The following MALRD1 variants were observed in gnomAD, a reference collection of about 807,000 sequenced individuals.
MALRD1 encodes MAM and LDL-receptor class A domain-containing protein 1.
MALRD1 carries 247 observed loss-of-function variants against 242.1 expected under a neutral mutation model. The ratio of observed to expected loss-of-function variants is 1.02; its 90% confidence interval spans 0.92 to 1.13. The LOEUF is 1.13. MALRD1 is among the 50% of genes most tolerant of loss of function. The pLI is 0.00. For synonymous variants in MALRD1, 995 were observed against 866.6 expected (o/e 1.15, Z -2.60); for missense variants, 2,989 against 2,533.1 (o/e 1.18, Z -3.86).
At chr10:19,500,298 G>A (rs949885096) in intron 31 of MALRD1, among the ~76,000 whole-genome samples, 5 of 152,144 alleles carry the variant, frequency 3.3e-5, no homozygotes, top group African/African-American at 7.2e-5. Context: ...TGAAGTTAGT[G>A]TATACTATAA....
chr10:19,712,955 G>GT (rs1267010979), intron 38 of MALRD1, among the ~76,000 whole-genome samples: 1 of 151,956 alleles, frequency 6.6e-6, no homozygotes, highest in African/African-American at 2.4e-5. Flanking sequence ...CTCTGTTTTT[G>GT]TTTTTTTGTT....
At chr10:19,078,391 A>C (rs1590397259) in intron 2 of MALRD1, among the ~76,000 whole-genome samples, 2 of 151,920 alleles carry the variant, frequency 1.3e-5, no homozygotes, top group South Asian at 2.1e-4. Context: ...CCAATTTTGC[A>C]TTCCTAGGAT....
At chr10:19,058,863 T>C (rs750075773) in intron 1 of MALRD1, among the ~76,000 whole-genome samples, 1 of 152,114 alleles carries the variant, frequency 6.6e-6, no homozygotes, top group African/African-American at 2.4e-5. Flanking sequence ...GTATGTGCAC[T>C]CTTGGGAAGG....
intron 18 of MALRD1, among the ~76,000 whole-genome samples, chr10:19,253,423 G>A (rs370374060): frequency 3.3e-5 from 5 of 151,808 alleles, no homozygotes; most frequent in African/African-American, 7.3e-5. Context: ...TTTATATGTC[G>A]ATTTTATCCT....
chr10:19,402,785 C>T (rs891036879), intron 28 of MALRD1, among the ~76,000 whole-genome samples: 17 of 151,986 alleles, frequency 1.1e-4, no homozygotes, highest in African/African-American at 3.1e-4. Flanking sequence ...ATATCTTTTT[C>T]TACATTTGGA....
Position 19,595,194 on chromosome 10 carries a change from G to C in MALRD1, c.5681G>C (p.Gly1894Ala), listed in dbSNP as rs748992229. The part of the protein sequence containing the change: ...ISFTPECVTG[G>A]PVPVQPSPCE... ...TAACTTGACTTGCTCTCTTTTTTAG[G>C]TCCTGTCCCAGTGCAGCCATCACCC... The change falls in exon 34 of 40, where the codon GGT (glycine) becomes GCT (alanine). Residue 1894 changes from glycine (G) to alanine (A), a missense_variant and splice_region_variant. Coordinates refer to ENST00000454679, the MANE Select transcript of MALRD1 (RefSeq NM_001142308.3). 1.6e-5 allele frequency: 25 copies of C among 1,547,074 alleles called. No homozygotes were observed. In the South Asian group the frequency reaches 3.0e-4, roughly 19 times the overall value.
intron 28 of MALRD1, among the ~76,000 whole-genome samples, chr10:19,416,736 G>A (rs1025393467): frequency 3.3e-5 from 5 of 152,136 alleles, no homozygotes; most frequent in Admixed American, 6.5e-5. Flanking sequence ...CCCTCTCACT[G>A]CATCAGCAAA....
chr10:19,513,248 GTTAAAATGTGTGTAGACCTCCCCC>G (rs1231908670), intron 31 of MALRD1, among the ~76,000 whole-genome samples: 2 of 151,974 alleles, frequency 1.3e-5, no homozygotes, highest in Non-Finnish European at 2.9e-5. Context: ...AGAACTCATT[GTTAAAATGTGTGTAGACCTCCCCC>G]TTCACTCTCT....
At chr10:19,538,115 C>T (rs906376630) in intron 32 of MALRD1, among the ~76,000 whole-genome samples, 4 of 152,096 alleles carry the variant, frequency 2.6e-5, no homozygotes, top group Non-Finnish European at 4.4e-5. Context: ...CTAGTATAGT[C>T]GTGAGATCAA....
Position 19,346,002 on chromosome 10 carries a change from C to A in MALRD1, c.3902-1769C>A, listed in dbSNP as rs569257672. 5.3e-5 allele frequency among the ~76,000 whole-genome samples: 8 copies of A among 152,028 alleles called. No homozygotes were observed. In the South Asian group the frequency reaches 1.7e-3, roughly 32 times the overall value. On this transcript the variant is annotated intron_variant, in intron 24 of 39. Coordinates refer to ENST00000454679, the MANE Select transcript of MALRD1 (RefSeq NM_001142308.3). ...GTCTCACTTTGTTGGCCAGGATGGT[C>A]TTGAACTCCTAGCATCATGTGATCC...
At chr10:19,551,706 T>A (rs1044820525) in intron 32 of MALRD1, among the ~76,000 whole-genome samples, 1 of 152,118 alleles carries the variant, frequency 6.6e-6, no homozygotes, top group Non-Finnish European at 1.5e-5. Context: ...CTTTTGCCCA[T>A]TGAGTATAAT....
chr10:19,549,967 A>G (rs3852475), intron 32 of MALRD1, among the ~76,000 whole-genome samples: 127,201 of 152,206 alleles, frequency 0.84, 53,199 homozygotes, highest in Admixed American at 0.85. Context: ...ATGCCTCTCT[A>G]TATCACAAAT....
rs77298673 is a variant in MALRD1, at chr10:19,302,748, A to G, written c.3419+19567A>G. On this transcript the variant is annotated intron_variant, in intron 21 of 39. Transcript: ENST00000454679. The stretch of plus-strand genomic sequence containing the variant: ...ACTTCAAAAATTACGTGAAGTGTGA[A>G]CTTTATGGTATGTGAATTACAACTC... Among the ~76,000 whole-genome samples the G allele has an allele frequency of 4.6e-3, 699 of 151,880 alleles. 6 individuals are homozygous for G. The highest frequency in any genetic ancestry group is 0.018 in the South Asian group (87 of 4,826).
At chr10:19,558,801 G>GT (rs1465368274) in intron 32 of MALRD1, among the ~76,000 whole-genome samples, 2 of 152,054 alleles carry the variant, frequency 1.3e-5, no homozygotes, top group African/African-American at 4.8e-5. Flanking sequence ...CAGATTATCT[G>GT]TTTTTTCTTG....
rs562182806 is a variant in MALRD1, at chr10:19,104,038, T to C, written c.657T>C (p.Asp219=). The change falls in exon 5 of 40, where the codon GAT becomes GAC. Residue 219 remains aspartate (D), a synonymous_variant. Transcript: ENST00000454679. ...TYEQDEVIAI[D]DISFSSGCLP... Reference sequence around the variant, plus strand: ...AACAGGATGAAGTCATTGCTATTGATGATATATCTTTCAGTTCAGGCTGCT... The same window carrying C: ...AACAGGATGAAGTCATTGCTATTGACGATATATCTTTCAGTTCAGGCTGCT... 12 of 1,233,886 alleles carry C rather than the reference T, an allele frequency of 9.7e-6. No homozygotes were observed. The highest frequency in any genetic ancestry group is 1.1e-5 in the Non-Finnish European group (11 of 988,106). 76.4% of individuals were successfully genotyped at this position (1,233,886 alleles called of 1,614,324 possible). A position where few individuals can be genotyped will look rare whatever the true frequency, so the allele number is the denominator to read the frequency against.
In MALRD1 at chr10:19,567,457, T is replaced by G. The variant is rs147612574; in HGVS notation, c.5479-45T>G. On this transcript the variant is annotated intron_variant, in intron 32 of 39. Coordinates refer to ENST00000454679, the MANE Select transcript of MALRD1 (RefSeq NM_001142308.3). ...TCAATCATCTGGATGTCCTGATACT[T>G]CTAATATCCAATCATAAAAAGTTAT... The G allele has an allele frequency of 4.8e-4, 716 of 1,483,586 alleles. 5 individuals carry two copies. The African/African-American group carries it at 7.8e-3, about 16-fold the overall frequency. The allele number at this position is 1,483,586 out of a possible 1,614,324, so 91.9% of individuals were successfully genotyped here.
chr10:19,051,986 T>C (rs1380223148), intron 1 of MALRD1: 1 of 267,546 alleles, frequency 3.7e-6, no homozygotes, highest in Non-Finnish European at 7.3e-6. Context: ...AAATAGAATG[T>C]GGACCTAAAT....
chr10:19,418,815 A>G (rs1350282252), intron 28 of MALRD1, among the ~76,000 whole-genome samples: 3 of 152,120 alleles, frequency 2.0e-5, no homozygotes, highest in Admixed American at 6.5e-5. Flanking sequence ...AATTTTTTCT[A>G]TCCTTATAAC....
chr10:19,531,287 TTGGAA>T lies in MALRD1; in HGVS notation c.5417_5421del (p.Gly1806ValfsTer11), dbSNP rs1834403804. The T allele has an allele frequency of 1.9e-6, 3 of 1,550,414 alleles. No homozygotes were observed. Among genetic ancestry groups the T allele is most frequent in the Non-Finnish European group, 2.6e-6 (3 of 1,146,848 alleles). On this transcript the variant is annotated frameshift_variant, in exon 32 of 40. Coordinates refer to ENST00000454679, the MANE Select transcript of MALRD1 (RefSeq NM_001142308.3). LOFTEE classifies it high-confidence loss of function. ...ACTTCCAAATCCTTCCCAGCAAGCC[TTGGAA>T]TGTGTACTGTTCGGTTCTGGTTCTA... is the stretch of plus-strand genomic sequence containing the variant.
Sources: gnomAD v4.1 joint callset for allele counts (sites outside exome capture counted in the v4.1 genomes callset) on GRCh38, gnomAD v4.1.1 for gene constraint, MANE v1.5 for transcripts, NCBI Gene and HGNC (gene_info 2026-07-23, HGNC 2026-07-21) for gene names.